WASF2: variants seen among roughly 807,000 people sequenced by gnomAD.
WASF2 encodes actin-binding protein WASF2.
A neutral mutation model predicts 45.0 loss-of-function variants in WASF2; 14 were observed. The ratio of observed to expected loss-of-function variants is 0.31; its 90% confidence interval spans 0.21 to 0.49. WASF2 has a LOEUF of 0.49. Ranked by LOEUF, WASF2 falls within the 20% of genes least tolerant of loss-of-function variation. The probability of loss-of-function intolerance (pLI) is 0.99; values close to 1 mark genes in which losing one functional copy is unlikely to be tolerated. For missense variants in WASF2, 439 were observed against 636.1 expected, an observed-to-expected ratio of 0.69 and a Z score of 3.33; for synonymous variants, 200 against 236.3, an observed-to-expected ratio of 0.85 and a Z score of 1.41.
At chr1:27,418,158 G>A (rs941281135) in intron 4 of WASF2, 111 bp downstream of exon 4, 1 of 1,242,980 alleles carries the variant, frequency 8.0e-7, no homozygotes, top group African/African-American at 1.5e-5. Context: ...TTTGGGGTAG[G>A]CAGTAAGCTT....
chr1:27,468,708 G>A (rs1279373661), intron 1 of WASF2, among the ~76,000 whole-genome samples: 4 of 141,238 alleles, frequency 2.8e-5, no homozygotes, highest in Non-Finnish European at 4.6e-5. Context: ...GGCCGGGCAC[G>A]GTGGTTCACG....
intron 1 of WASF2, among the ~76,000 whole-genome samples, chr1:27,454,998 T>A (rs930348661): frequency 6.6e-6 from 1 of 152,130 alleles, no homozygotes; most frequent in African/African-American, 2.4e-5. Flanking sequence ...GAGTGGAATT[T>A]CTGGGTCACA....
rs923585352 is a variant in WASF2, at chr1:27,445,842, T to C, written c.-43-16909A>G. On this transcript the variant is annotated intron_variant, in intron 1 of 8. Coordinates refer to ENST00000618852, the MANE Select transcript of WASF2 (RefSeq NM_006990.5). ...TCATCAAATCTTCTCATCAGGGACT[T>C]TTTTTTTTTTTTTAAAGCACCTAAT... 2.7e-4 allele frequency among the ~76,000 whole-genome samples: 39 copies of C among 147,128 alleles called. 2 individuals are homozygous for C. Among genetic ancestry groups the C allele is most frequent in the East Asian group, 1.4e-3 (7 of 5,090 alleles).
At chr1:27,464,475 T>TA (rs951963801) in intron 1 of WASF2, among the ~76,000 whole-genome samples, 19 of 151,348 alleles carry the variant, frequency 1.3e-4, no homozygotes, top group South Asian at 2.1e-4. Context: ...TCTGTGAGGT[T>TA]AAAAAAAAAC....
At chr1:27,434,102 G>A (rs2017100720) in intron 1 of WASF2, among the ~76,000 whole-genome samples, 1 of 152,200 alleles carries the variant, frequency 6.6e-6, no homozygotes, top group South Asian at 2.1e-4. Flanking sequence ...AAAAGTTACA[G>A]GGAAGTAGAT....
In WASF2 at chr1:27,409,862, G is replaced by A; in HGVS notation, c.1169C>T (p.Ala390Val). The A allele has an allele frequency of 1.3e-6, 2 of 1,554,542 alleles. No individual in the cohort carries two copies. The highest frequency in any genetic ancestry group is 2.5e-5 in the South Asian group (2 of 80,960). The stretch of plus-strand genomic sequence containing the variant: ...AGGAGGAGGAGGGGGAGGAGGAGGT[G>A]CTCCTCCTGTTGGCTGGGACAAGGG... ...PPPLSQPTGG[A>V]PPPPPPPPPP... Residue 390 changes from alanine (A) to valine (V), a missense_variant, in exon 8 of 9, where the codon GCA becomes GTA. Ala to Val is a moderately conservative substitution (Grantham distance 64). Around this residue, in one of 5 missense-constraint regions of WASF2, gnomAD observed 286 missense variants for 373.5 expected, o/e 0.77. Transcript: ENST00000618852.
chr1:27,429,400 C>T (rs2504772), intron 1 of WASF2, among the ~76,000 whole-genome samples: 137,319 of 152,250 alleles, frequency 0.9, 61,999 homozygotes, highest in East Asian at 1. Context: ...ATCTCCACAA[C>T]GAAATCAAGC....
In WASF2 at chr1:27,408,003, G is replaced by A. The variant is rs570710180; in HGVS notation, c.*186C>T. The A allele has an allele frequency of 3.2e-6, 2 of 618,086 alleles. No homozygotes were observed. Among genetic ancestry groups the A allele is most frequent in the East Asian group, 6.3e-5 (2 of 31,580 alleles). 38.3% of individuals were successfully genotyped at this position (618,086 alleles called of 1,614,324 possible). ...GGAGCCCCACAGGGCCTGAAAATGG[G>A]GAGAGGAAATACATGTTGACTTGGA... On this transcript the variant is annotated 3_prime_UTR_variant, in exon 9 of 9. Transcript: ENST00000618852.
chr1:27,481,664 T>A (rs1278398113), intron 1 of WASF2, among the ~76,000 whole-genome samples: 1 of 150,760 alleles, frequency 6.6e-6, no homozygotes, highest in Non-Finnish European at 1.5e-5. Context: ...GAGGCTGCAG[T>A]GAGCCAACAT....
intron 1 of WASF2, among the ~76,000 whole-genome samples, chr1:27,473,988 C>T (rs908304758): frequency 1.3e-5 from 2 of 152,186 alleles, no homozygotes; most frequent in Admixed American, 6.5e-5. Flanking sequence ...TTCTGTGATG[C>T]GGGAGGAAAC....
chr1:27,473,799 A>G (rs996327379), intron 1 of WASF2, among the ~76,000 whole-genome samples: 9 of 152,238 alleles, frequency 5.9e-5, no homozygotes, highest in Admixed American at 2.0e-4. Context: ...AACAAGAAAG[A>G]TAAGTATTTA....
intron 1 of WASF2, among the ~76,000 whole-genome samples, chr1:27,437,546 T>C (rs773479474): frequency 3.9e-5 from 6 of 152,244 alleles, no homozygotes; most frequent in Admixed American, 6.5e-5. Context: ...TTCCTTGTTA[T>C]GGATCCACTT....
intron 8 of WASF2, among the ~76,000 whole-genome samples, chr1:27,409,471 CCTTTA>C (rs2016730594): frequency 6.9e-6 from 1 of 144,588 alleles, no homozygotes; most frequent in Admixed American, 6.9e-5. Flanking sequence ...AGAAAAGAAT[CCTTTA>C]CTTTAAACCA....
intron 1 of WASF2, among the ~76,000 whole-genome samples, chr1:27,460,714 G>A (rs116293320): frequency 2.0e-4 from 30 of 152,304 alleles, no homozygotes; most frequent in African/African-American, 6.0e-4. Context: ...ATGGAGTACA[G>A]ATATACCTCA....
intron 1 of WASF2, among the ~76,000 whole-genome samples, chr1:27,464,997 G>A (rs955770920): frequency 1.3e-5 from 2 of 152,244 alleles, no homozygotes; most frequent in African/African-American, 2.4e-5. Context: ...AAAGTGCTGG[G>A]ATTACAGCCT....
In WASF2 at chr1:27,433,357, G is replaced by A. The variant is rs765749694; in HGVS notation, c.-43-4424C>T. ...CTGTACATAACTAGCACCATTCTAC[G>A]CGTACTGGAGAAAAGTTAATATATT... On this transcript the variant is annotated intron_variant, in intron 1 of 8. Transcript: ENST00000618852. 4.9e-4 allele frequency among the ~76,000 whole-genome samples: 74 copies of A among 152,236 alleles called. 1 individual carries two copies. The highest frequency in any genetic ancestry group is 1.3e-3 in the African/African-American group (54 of 41,534).
intron 1 of WASF2, among the ~76,000 whole-genome samples, chr1:27,448,173 A>C (rs950309013): frequency 6.6e-6 from 1 of 152,234 alleles, no homozygotes; most frequent in African/African-American, 2.4e-5. Context: ...CTACCCATTC[A>C]AACAGGGTTA....
chr1:27,482,837 C>T (rs1029143412), intron 1 of WASF2, among the ~76,000 whole-genome samples: 1 of 152,090 alleles, frequency 6.6e-6, no homozygotes, highest in Non-Finnish European at 1.5e-5. Context: ...TCTATTGCTC[C>T]ACCACTCCTA....
At chr1:27,466,434 C>A (rs913271674) in intron 1 of WASF2, among the ~76,000 whole-genome samples, 1 of 152,098 alleles carries the variant, frequency 6.6e-6, no homozygotes, top group Non-Finnish European at 1.5e-5. Flanking sequence ...AAAAAGCAAC[C>A]GGATTCAGTT....
Sources: allele counts gnomAD v4.1 joint callset (sites outside exome capture counted in the v4.1 genomes callset), GRCh38; gene constraint gnomAD v4.1.1; regional missense constraint gnomAD v4.1.1; transcripts MANE v1.5; gene names NCBI Gene and HGNC (gene_info 2026-07-23, HGNC 2026-07-21).